The following RAB38 variants were observed in gnomAD, a reference collection of about 807,000 sequenced individuals.
The protein encoded by RAB38 is RAB38, member RAS oncogene family.
Under a neutral mutation model 18.4 loss-of-function variants are expected in RAB38, and 15 were observed. The ratio of observed to expected loss-of-function variants is 0.82; its 90% CI spans 0.55 to 1.26. The LOEUF (loss-of-function observed/expected upper bound fraction) is 1.26. RAB38 is among the 50% of genes most tolerant of loss of function. The probability of loss-of-function intolerance (pLI) is 0.00; values close to 1 mark genes in which losing one functional copy is unlikely to be tolerated. For missense variants in RAB38, 294 were observed against 267.4 expected (o/e 1.10, Z -0.69); for synonymous variants, 101 against 104.4 (o/e 0.97, Z 0.20).
chr11:87,845,638 T>C, the RAB38 span, among the ~76,000 whole-genome samples: 1 of 152,120 alleles, frequency 6.6e-6, no homozygotes, highest in African/African-American at 2.4e-5. Context: ...TCAACGTATA[T>C]GGCTGAATGC....
At chr11:87,863,223 G>C in the RAB38 span, among the ~76,000 whole-genome samples, 1 of 151,726 alleles carries the variant, frequency 6.6e-6, no homozygotes, top group African/African-American at 2.4e-5. Flanking sequence ...TGTGACTTTA[G>C]GTAAATTATT....
At chr11:87,948,049 T>C in the RAB38 span, among the ~76,000 whole-genome samples, 16 of 152,348 alleles carry the variant, frequency 1.1e-4, no homozygotes, top group Admixed American at 4.6e-4. Context: ...CTTCCATTTG[T>C]TTGTATCCTC....
At chr11:88,171,752 T>C (rs544144055) in intron 1 of RAB38, among the ~76,000 whole-genome samples, 193 of 152,308 alleles carry the variant, frequency 1.3e-3, no homozygotes, top group African/African-American at 4.5e-3. Context: ...CTAGACAAGA[T>C]AGTACAGTTC....
chr11:88,034,508 T>C, the RAB38 span, among the ~76,000 whole-genome samples: 1 of 152,244 alleles, frequency 6.6e-6, no homozygotes, highest in Non-Finnish European at 1.5e-5. Flanking sequence ...CTTGTCAGTA[T>C]TTGATGATAT....
At chr11:88,091,992 G>A in the RAB38 span, among the ~76,000 whole-genome samples, 1 of 151,714 alleles carries the variant, frequency 6.6e-6, no homozygotes, top group African/African-American at 2.4e-5. Flanking sequence ...ATAATTTTTG[G>A]GTCATTGCCA....
intron 2 of RAB38, among the ~76,000 whole-genome samples, chr11:88,135,168 C>A (rs539187880): frequency 2.9e-4 from 44 of 152,278 alleles, no homozygotes; most frequent in South Asian, 1.9e-3. Flanking sequence ...AAACTGCTTA[C>A]TTCTCTTTTT....
At chr11:88,136,718 A>C (rs537700081) in intron 2 of RAB38, among the ~76,000 whole-genome samples, 1 of 152,354 alleles carries the variant, frequency 6.6e-6, no homozygotes, top group Non-Finnish European at 1.5e-5. Context: ...TATGGTCTAA[A>C]GAGTGTATAG....
the RAB38 span, among the ~76,000 whole-genome samples, chr11:87,923,547 CTG>C: frequency 0.24 from 34,933 of 146,434 alleles, 4,189 homozygotes; most frequent in South Asian, 0.36. Context: ...TCAATTAATT[CTG>C]TGTGTGTGTG....
the RAB38 span, among the ~76,000 whole-genome samples, chr11:87,923,212 G>T: frequency 3.9e-5 from 6 of 151,956 alleles, no homozygotes; most frequent in East Asian, 1.2e-3. Flanking sequence ...TTGCTACTTT[G>T]TTAGTATTAG....
intron 2 of RAB38, among the ~76,000 whole-genome samples, chr11:88,133,429 T>C (rs953410731): frequency 6.6e-6 from 1 of 152,202 alleles, no homozygotes; most frequent in Non-Finnish European, 1.5e-5. Flanking sequence ...TCTGAATATT[T>C]TGGCCCTTTT....
At chr11:87,901,952 C>T in the RAB38 span, among the ~76,000 whole-genome samples, 45,737 of 148,632 alleles carry the variant, frequency 0.31, 8,934 homozygotes, top group African/African-American at 0.57. Context: ...ACTCAAGACA[C>T]GCTGATAACT....
chr11:87,856,168 G>T, the RAB38 span, among the ~76,000 whole-genome samples: 1 of 152,118 alleles, frequency 6.6e-6, no homozygotes. Context: ...AGGGTTATAC[G>T]TCCTGATCTT....
At chr11:88,037,723 T>C in the RAB38 span, among the ~76,000 whole-genome samples, 2 of 152,310 alleles carry the variant, frequency 1.3e-5, no homozygotes, top group East Asian at 3.9e-4. Flanking sequence ...TCACTTAATA[T>C]AATGCTTTTG....
At chr11:87,855,244 A>T in the RAB38 span, among the ~76,000 whole-genome samples, 1 of 152,178 alleles carries the variant, frequency 6.6e-6, no homozygotes, top group African/African-American at 2.4e-5. Context: ...ATTAAAGTCA[A>T]TGCTTTTCAA....
At chr11:87,839,258 T>C in the RAB38 span, among the ~76,000 whole-genome samples, 1 of 152,220 alleles carries the variant, frequency 6.6e-6, no homozygotes, top group Non-Finnish European at 1.5e-5. Context: ...TTATACTTTA[T>C]GGGTATCTCC....
chr11:88,139,454 T>C (rs1942878496), intron 2 of RAB38, among the ~76,000 whole-genome samples: 1 of 152,208 alleles, frequency 6.6e-6, no homozygotes, highest in African/African-American at 2.4e-5. Context: ...TATCTGGAAC[T>C]TCATACTATA....
At chr11:88,040,478 G>A in the RAB38 span, among the ~76,000 whole-genome samples, 9 of 152,168 alleles carry the variant, frequency 5.9e-5, no homozygotes, top group African/African-American at 1.9e-4. Flanking sequence ...CACTTTGGGA[G>A]GGCCAGGAAG....
chr11:87,921,545 CTA>C, the RAB38 span, among the ~76,000 whole-genome samples: 1 of 148,220 alleles, frequency 6.7e-6, no homozygotes, highest in African/African-American at 2.5e-5. Flanking sequence ...AAATCTCTCT[CTA>C]TATATAAAAT....
the RAB38 span, among the ~76,000 whole-genome samples, chr11:88,068,647 T>C: frequency 8.5e-5 from 13 of 152,332 alleles, no homozygotes; most frequent in East Asian, 2.5e-3. Flanking sequence ...ATAAGCATTT[T>C]ATATTATTAA....
Sources: gnomAD v4.1 joint callset for allele counts (sites outside exome capture counted in the v4.1 genomes callset) on GRCh38, gnomAD v4.1.1 for gene constraint, MANE v1.5 for transcripts, NCBI Gene and HGNC (gene_info 2026-07-23, HGNC 2026-07-21) for gene names.